Variants in LRP1B observed in about 807,000 individuals in gnomAD.
LRP1B encodes low-density lipoprotein receptor-related protein 1B.
A neutral mutation model predicts 556.6 loss-of-function variants in LRP1B; 217 were observed. That is an observed-to-expected ratio of 0.39 (90% CI 0.35 to 0.44). LRP1B has a LOEUF of 0.44. Among genes scored for constraint, LRP1B ranks in the 20% least tolerant of loss-of-function variants. LRP1B has a pLI of 1.00. For missense variants in LRP1B, 5,053 were observed against 5,620.8 expected (o/e 0.90, Z 3.23); for synonymous variants, 2,047 against 1,865.8 (o/e 1.10, Z -2.50).
chr2:141,545,426 GA>G (rs1685516723), intron 2 of LRP1B, among the ~76,000 whole-genome samples: 1 of 152,162 alleles, frequency 6.6e-6, no homozygotes, highest in South Asian at 2.1e-4. Flanking sequence ...TTAATGCCCA[GA>G]ACCTGTGAAT....
intron 3 of LRP1B, among the ~76,000 whole-genome samples, chr2:141,352,140 T>C (rs1353726999): frequency 3.3e-5 from 5 of 151,978 alleles, no homozygotes; most frequent in African/African-American, 1.2e-4. Flanking sequence ...GTGTGAAAGA[T>C]TGATTAGAAT....
intron 37 of LRP1B, among the ~76,000 whole-genome samples, chr2:140,713,159 C>T (rs1439089356): frequency 6.6e-6 from 1 of 152,004 alleles, no homozygotes; most frequent in African/African-American, 2.4e-5. Flanking sequence ...AGTATTTCCT[C>T]TCCAAACTTG....
chr2:141,793,238 G>A (rs1695681510), intron 2 of LRP1B, among the ~76,000 whole-genome samples: 1 of 151,894 alleles, frequency 6.6e-6, no homozygotes. Context: ...TTTTAAAATA[G>A]TGTTATGTTC....
intron 2 of LRP1B, among the ~76,000 whole-genome samples, chr2:141,644,858 A>T (rs1423808040): frequency 1.3e-5 from 2 of 152,008 alleles, no homozygotes; most frequent in Non-Finnish European, 2.9e-5. Context: ...ATCTATCAGC[A>T]TCAGCACTGC....
intron 1 of LRP1B, among the ~76,000 whole-genome samples, chr2:141,988,067 G>T (rs1323540871): frequency 6.6e-6 from 1 of 151,552 alleles, no homozygotes; most frequent in Non-Finnish European, 1.5e-5. Flanking sequence ...AATGCTTAAG[G>T]GTATAGAATC....
chr2:141,701,074 C>T (rs2105462183), intron 2 of LRP1B, among the ~76,000 whole-genome samples: 1 of 151,950 alleles, frequency 6.6e-6, no homozygotes, highest in Admixed American at 6.6e-5. Context: ...AGCTGTGTCA[C>T]TGTGATTGGA....
At chr2:140,859,008 C>G (rs890511461) in intron 27 of LRP1B, among the ~76,000 whole-genome samples, 5 of 151,990 alleles carry the variant, frequency 3.3e-5, no homozygotes, top group Non-Finnish European at 7.4e-5. Flanking sequence ...TCTGAAAATA[C>G]AGGGTTTCAC....
At chr2:141,487,911 A>C (rs949098686) in intron 2 of LRP1B, among the ~76,000 whole-genome samples, 8 of 152,196 alleles carry the variant, frequency 5.3e-5, no homozygotes, top group African/African-American at 1.9e-4. Flanking sequence ...TAACCTCACC[A>C]AGACTCTTCT....
intron 43 of LRP1B, among the ~76,000 whole-genome samples, chr2:140,546,000 T>TGTGTGTGTGTGTG (rs1680321567): frequency 7.0e-6 from 1 of 142,604 alleles, no homozygotes; most frequent in African/African-American, 2.6e-5. Flanking sequence ...TATTATTAGG[T>TGTGTGTGTGTGTG]TGTGTGTGTG....
At chr2:140,875,553 G>T (rs1431769104) in intron 25 of LRP1B, among the ~76,000 whole-genome samples, 1 of 151,948 alleles carries the variant, frequency 6.6e-6, no homozygotes, top group Non-Finnish European at 1.5e-5. Context: ...TTATCACTTT[G>T]GTCAAATGAA....
intron 5 of LRP1B, among the ~76,000 whole-genome samples, chr2:141,244,537 C>A (rs1253457259): frequency 6.6e-6 from 1 of 152,114 alleles, no homozygotes; most frequent in Admixed American, 6.6e-5. Context: ...ATGAACCTGG[C>A]TCAATTTATA....
intron 43 of LRP1B, among the ~76,000 whole-genome samples, chr2:140,569,024 A>T (rs567096758): frequency 6.8e-4 from 104 of 152,150 alleles, no homozygotes; most frequent in African/African-American, 2.3e-3. Flanking sequence ...GATAATCTAC[A>T]TGAAAACACT....
intron 2 of LRP1B, among the ~76,000 whole-genome samples, chr2:141,687,758 G>C (rs1158689346): frequency 1.3e-5 from 2 of 152,018 alleles, no homozygotes; most frequent in Admixed American, 6.6e-5. Flanking sequence ...CTGCAGGCTA[G>C]AAGATAGTCT....
intron 1 of LRP1B, among the ~76,000 whole-genome samples, chr2:142,004,347 T>G (rs1702741282): frequency 6.6e-6 from 1 of 151,898 alleles, no homozygotes; most frequent in African/African-American, 2.4e-5. Flanking sequence ...TGACCTGAGG[T>G]GTAAAATGAC....
chr2:141,149,098 AT>A (rs1701857384), intron 7 of LRP1B, among the ~76,000 whole-genome samples: 1 of 152,036 alleles, frequency 6.6e-6, no homozygotes, highest in African/African-American at 2.4e-5. Flanking sequence ...AAAGTGAGGA[AT>A]TCCTGAGGGG....
chr2:140,262,463 C>G (rs1681989367), intron 86 of LRP1B, among the ~76,000 whole-genome samples: 1 of 152,072 alleles, frequency 6.6e-6, no homozygotes, highest in African/African-American at 2.4e-5. Context: ...TAGGCTACAC[C>G]AACAGTAATG....
chr2:141,578,768 A>T (rs1013509874), intron 2 of LRP1B, among the ~76,000 whole-genome samples: 7 of 152,224 alleles, frequency 4.6e-5, no homozygotes, highest in African/African-American at 1.7e-4. Flanking sequence ...AGTAAGGAAC[A>T]TTTTGAAGGA....
intron 2 of LRP1B, among the ~76,000 whole-genome samples, chr2:141,506,912 A>T (rs1227277472): frequency 1.3e-5 from 2 of 152,082 alleles, no homozygotes; most frequent in Non-Finnish European, 2.9e-5. Context: ...GTAAATGATG[A>T]TTCTATGTTC....
At chr2:141,073,026 A>T (rs947870799) in intron 7 of LRP1B, among the ~76,000 whole-genome samples, 1 of 152,078 alleles carries the variant, frequency 6.6e-6, no homozygotes, top group African/African-American at 2.4e-5. Flanking sequence ...ACTAAATGTC[A>T]TATTCAGCAC....
Sources: allele counts gnomAD v4.1 joint callset (sites outside exome capture counted in the v4.1 genomes callset), GRCh38; gene constraint gnomAD v4.1.1; transcripts MANE v1.5; gene names NCBI Gene and HGNC (gene_info 2026-07-23, HGNC 2026-07-21).